KCNB2: variants seen among roughly 807,000 people sequenced by gnomAD.
KCNB2 encodes potassium voltage-gated channel subfamily B member 2.
KCNB2 carries 15 observed loss-of-function variants against 61.5 expected under a neutral mutation model. That is an observed-to-expected ratio of 0.24 (90% CI 0.16 to 0.38). KCNB2 has a LOEUF of 0.38. Ranked by LOEUF, KCNB2 falls within the 10% of genes least tolerant of loss-of-function variation. The pLI, the probability that KCNB2 is intolerant of heterozygous loss-of-function variation, is 1.00. For synonymous variants in KCNB2, 457 were observed against 446.0 expected (o/e 1.02, Z -0.31); for missense variants, 828 against 1,125.2 (o/e 0.74, Z 3.78).
intron 1 of KCNB2, among the ~76,000 whole-genome samples, chr8:72,567,419 AC>A (rs1401018468): frequency 6.6e-6 from 1 of 152,168 alleles, no homozygotes; most frequent in African/African-American, 2.4e-5. Flanking sequence ...ATCACTGAAT[AC>A]ACAACCTCTT....
rs1050865292 is a variant in KCNB2 at position 72,598,141 on chromosome 8, C to A, written c.579+29828C>A. On this transcript the variant is annotated intron_variant, in intron 2 of 2. Coordinates refer to ENST00000523207, the MANE Select transcript of KCNB2 (RefSeq NM_004770.3). ...GGTATGTCAAAGCCTGGCAGAGACA[C>A]AACAAAAAAAGAGAATTTTAGACCA... is the stretch of plus-strand genomic sequence containing the variant. 2.6e-5 allele frequency among the ~76,000 whole-genome samples: 4 copies of A among 152,000 alleles called. No homozygotes were observed. The East Asian group carries it at 7.7e-4, about 29-fold the overall frequency.
chr8:72,893,682 T>C (rs1362917857), intron 2 of KCNB2, among the ~76,000 whole-genome samples: 1 of 152,216 alleles, frequency 6.6e-6, no homozygotes, highest in East Asian at 1.9e-4. Context: ...TGTTGAGGCT[T>C]AGATAGTATC....
At chr8:72,823,315 G>A (rs1040333603) in intron 2 of KCNB2, among the ~76,000 whole-genome samples, 3 of 152,126 alleles carry the variant, frequency 2.0e-5, no homozygotes, top group Admixed American at 2.0e-4. Context: ...GTCAGCTGCA[G>A]TGCTCTGTAA....
At chr8:72,847,579 C>G (rs1022882213) in intron 2 of KCNB2, among the ~76,000 whole-genome samples, 1 of 152,090 alleles carries the variant, frequency 6.6e-6, no homozygotes, top group Non-Finnish European at 1.5e-5. Flanking sequence ...TACCACCAAC[C>G]AAGGATGGGA....
chr8:72,665,938 G>A lies in KCNB2; in HGVS notation c.579+97625G>A, dbSNP rs569991483. Among the ~76,000 whole-genome samples the A allele has an allele frequency of 1.2e-4, 18 of 152,336 alleles. No individual in the cohort carries two copies. In the South Asian group the frequency reaches 2.5e-3, roughly 21 times the overall value. The stretch of plus-strand genomic sequence containing the variant: ...CTGGTTATCACAGCAAATGAGGCGG[G>A]TGGAGTTGTACACACTTGGAGAGGA... On this transcript the variant is annotated intron_variant, in intron 2 of 2. Coordinates refer to ENST00000523207, the MANE Select transcript of KCNB2 (RefSeq NM_004770.3).
intron 2 of KCNB2, among the ~76,000 whole-genome samples, chr8:72,710,000 A>G (rs1286867370): frequency 6.6e-6 from 1 of 152,060 alleles, no homozygotes; most frequent in African/African-American, 2.4e-5. Flanking sequence ...CACCTCCTGC[A>G]TTTTCAGTAA....
Position 72,755,591 on chromosome 8 carries a change from G to A in KCNB2, c.580-180344G>A, listed in dbSNP as rs377600212. On this transcript the variant is annotated intron_variant, in intron 2 of 2. Coordinates refer to ENST00000523207, the MANE Select transcript of KCNB2 (RefSeq NM_004770.3). ...ATATATGAATGGCAAATAAGCACAT[G>A]AAAAACTGCCCAACACCTTTGCTCA... Among the ~76,000 whole-genome samples the A allele has an allele frequency of 2.8e-4, 43 of 152,264 alleles. 1 individual carries two copies. In the East Asian group the frequency reaches 6.6e-3, roughly 23 times the overall value.
At chr8:72,883,288 C>A (rs879729944) in intron 2 of KCNB2, among the ~76,000 whole-genome samples, 8 of 152,182 alleles carry the variant, frequency 5.3e-5, no homozygotes, top group Non-Finnish European at 8.8e-5. Flanking sequence ...TAATAGTGTG[C>A]CAGCCACCAA....
At chr8:72,793,585 TA>T (rs984870289) in intron 2 of KCNB2, among the ~76,000 whole-genome samples, 1 of 151,366 alleles carries the variant, frequency 6.6e-6, no homozygotes, top group South Asian at 2.1e-4. Flanking sequence ...CAGATCTCTT[TA>T]AAAAAAAATA....
At chr8:72,701,060 C>G (rs1807115637) in intron 2 of KCNB2, among the ~76,000 whole-genome samples, 1 of 152,024 alleles carries the variant, frequency 6.6e-6, no homozygotes, top group African/African-American at 2.4e-5. Context: ...CAACAATAGT[C>G]TCTAAAGACA....
chr8:72,652,495 C>T (rs1806227979), intron 2 of KCNB2, among the ~76,000 whole-genome samples: 1 of 152,022 alleles, frequency 6.6e-6, no homozygotes, highest in Admixed American at 6.6e-5. Flanking sequence ...TTTTGTCCTT[C>T]CCCTGTTAAA....
In KCNB2 at chr8:72,567,719, C is replaced by T. The variant is rs1806645449; in HGVS notation, c.-16C>T. The T allele has an allele frequency of 7.2e-6, 11 of 1,527,456 alleles. No individual in the cohort carries two copies. In the South Asian group the frequency reaches 1.5e-4, roughly 20 times the overall value. The allele number at this position is 1,527,456 out of a possible 1,614,324, so 94.6% of individuals were successfully genotyped here. ...TTTTTTAAGGACCCTGGCTCTGCGG[C>T]TTTGTCCAGTTCAAAATGGCAGAAA... On this transcript the variant is annotated 5_prime_UTR_variant, in exon 2 of 3. Coordinates refer to ENST00000523207, the MANE Select transcript of KCNB2 (RefSeq NM_004770.3).
intron 2 of KCNB2, among the ~76,000 whole-genome samples, chr8:72,734,058 A>G (rs1400699378): frequency 6.6e-6 from 1 of 152,186 alleles, no homozygotes; most frequent in African/African-American, 2.4e-5. Flanking sequence ...CTTACGGAGT[A>G]TTTATCATCT....
rs1357924610 is a variant in KCNB2, at chr8:72,537,765, A to G, written c.-214A>G. 6.6e-6 allele frequency: 1 copy of G among 152,100 alleles called. No homozygotes were observed. Among genetic ancestry groups the G allele is most frequent in the Non-Finnish European group, 1.5e-5 (1 of 68,112 alleles). 9.4% of individuals were successfully genotyped at this position (152,100 alleles called of 1,614,324 possible). A position where few individuals can be genotyped will look rare whatever the true frequency, so the allele number is the denominator to read the frequency against. On this transcript the variant is annotated 5_prime_UTR_variant, in exon 1 of 3. Transcript: ENST00000523207. ...GTGGAGGGGAGGGGGATTTCCAGCG[A>G]CAGGTCATTGGCGAAGGGGATCGTC...
intron 2 of KCNB2, among the ~76,000 whole-genome samples, chr8:72,690,481 G>A (rs1198158770): frequency 6.6e-6 from 1 of 152,170 alleles, no homozygotes; most frequent in Non-Finnish European, 1.5e-5. Flanking sequence ...AAGTCTTCCT[G>A]CCTTTTGCAT....
At chr8:72,609,772 T>C (rs574380448) in intron 2 of KCNB2, among the ~76,000 whole-genome samples, 11 of 152,370 alleles carry the variant, frequency 7.2e-5, no homozygotes, top group East Asian at 1.9e-4. Flanking sequence ...CAGAGCACTA[T>C]GTTTATGTGT....
At chr8:72,875,170 C>T (rs576359141) in intron 2 of KCNB2, 5 of 152,256 alleles carry the variant, frequency 3.3e-5, no homozygotes, top group Non-Finnish European at 5.9e-5. Flanking sequence ...AGGCTTCCTC[C>T]CAAGGACGTA....
intron 2 of KCNB2, among the ~76,000 whole-genome samples, chr8:72,594,432 T>G (rs1332535352): frequency 6.6e-6 from 1 of 152,236 alleles, no homozygotes; most frequent in Non-Finnish European, 1.5e-5. Flanking sequence ...CTTTAGCTTG[T>G]GATGAATAGT....
At chr8:72,728,712 G>A (rs1425143305) in intron 2 of KCNB2, among the ~76,000 whole-genome samples, 2 of 152,126 alleles carry the variant, frequency 1.3e-5, no homozygotes, top group Non-Finnish European at 1.5e-5. Flanking sequence ...AGGGAGAGGG[G>A]AGGGAAAGTA....
Sources: allele counts gnomAD v4.1 joint callset (sites outside exome capture counted in the v4.1 genomes callset), GRCh38; gene constraint gnomAD v4.1.1; transcripts MANE v1.5; gene names NCBI Gene and HGNC (gene_info 2026-07-23, HGNC 2026-07-21).